Variants in SART3 observed in about 807,000 individuals in gnomAD.
SART3 encodes the protein HIV-1 Tat-interacting protein of 110kDa.
In SART3, 44 loss-of-function variants were observed where a neutral mutation model predicts 122.3. That is an observed-to-expected ratio of 0.36 (90% CI 0.28 to 0.46). SART3 has a LOEUF of 0.46. SART3 is among the 20% of genes least tolerant of loss of function. The pLI is 1.00. For missense variants in SART3, 1,101 were observed against 1,229.0 expected (o/e 0.90, Z 1.56); for synonymous variants, 442 against 454.0 (o/e 0.97, Z 0.34).
intron 12 of SART3, among the ~76,000 whole-genome samples, chr12:108,532,799 GT>G (rs543456746): frequency 6.6e-5 from 10 of 152,012 alleles, no homozygotes; most frequent in Admixed American, 6.5e-4. Context: ...TGTCACCCAG[GT>G]GGGAGTGCAA....
chr12:108,546,522 CTTT>C (rs59151146), intron 3 of SART3, among the ~76,000 whole-genome samples: 439 of 137,606 alleles, frequency 3.2e-3, no homozygotes, highest in Middle Eastern at 3.6e-3. Flanking sequence ...TTTTTTAATG[CTTT>C]TTTTTTTTTT....
intron 12 of SART3, 60 bp from the exon 13 acceptor site, chr12:108,532,394 G>T: frequency 7.0e-7 from 1 of 1,424,124 alleles, no homozygotes; most frequent in South Asian, 1.2e-5. Context: ...CACTCGAAGG[G>T]AGAGGCCGTC....
At chr12:108,542,741 A>G in intron 6 of SART3, 1 of 486,712 alleles carries the variant, frequency 2.1e-6, no homozygotes, top group East Asian at 5.1e-5. Context: ...CAAGGGAATT[A>G]TCATCACAAA....
intron 2 of SART3, 109 bp downstream of exon 2, chr12:108,548,979 C>A: frequency 6.5e-7 from 1 of 1,540,460 alleles, no homozygotes. Flanking sequence ...CTTTCCACTA[C>A]ACTGAACGTT....
chr12:108,533,863 T>C (rs1872786234), intron 12 of SART3, among the ~76,000 whole-genome samples: 2 of 152,250 alleles, frequency 1.3e-5, no homozygotes, highest in African/African-American at 2.4e-5. Flanking sequence ...TAACAGACTC[T>C]GTCAATATGG....
intron 6 of SART3, among the ~76,000 whole-genome samples, 158 bp from the exon 7 acceptor site, chr12:108,539,247 C>A (rs1389272096): frequency 6.6e-6 from 1 of 152,224 alleles, no homozygotes; most frequent in Non-Finnish European, 1.5e-5. Context: ...ACTTCTTGAG[C>A]AAAACAAGAG....
At chr12:108,528,032 TGGGATTACA>T (rs1008147839) in intron 15 of SART3, among the ~76,000 whole-genome samples, 7 of 152,136 alleles carry the variant, frequency 4.6e-5, no homozygotes, top group Non-Finnish European at 8.8e-5. Context: ...CCCAGAGTGC[TGGGATTACA>T]GGCATGAGCT....
chr12:108,532,752 A>G, intron 12 of SART3: 1 of 208,042 alleles, frequency 4.8e-6, no homozygotes, highest in Non-Finnish European at 1.0e-5. Flanking sequence ...ACCCAGAGTC[A>G]GATCTTTTTT....
At chr12:108,524,248 C>A in intron 18 of SART3, 68 bp downstream of exon 18, 1 of 1,287,882 alleles carries the variant, frequency 7.8e-7, no homozygotes, top group Non-Finnish European at 1.1e-6. Flanking sequence ...CGGGTTAATC[C>A]CCCCGTGATC....
Position 108,536,695 on chromosome 12 carries a change from G to A in SART3, c.1387+13C>T, listed in dbSNP as rs1024855364. 28 of 1,613,454 alleles carry A rather than the reference G, an allele frequency of 1.7e-5. No homozygotes were observed. The highest frequency in any genetic ancestry group is 2.3e-5 in the Non-Finnish European group (27 of 1,179,650). On this transcript the variant is annotated intron_variant, in intron 10 of 18. Coordinates refer to ENST00000546815, the MANE Select transcript of SART3 (RefSeq NM_014706.4). ...ATACAACTGGGCAAAACCACAGGCT[G>A]GGGCATACTTACGCTCTTCCACCTC...
At chr12:108,557,765 G>A (rs55824739) in intron 1 of SART3, among the ~76,000 whole-genome samples, 3,790 of 152,274 alleles carry the variant, frequency 0.025, 154 homozygotes, top group African/African-American at 0.086. Flanking sequence ...CAAATCTGCC[G>A]AAGCCACCAT....
chr12:108,558,086 T>C lies in SART3; in HGVS notation c.312+2757A>G, dbSNP rs894043495. Among the ~76,000 whole-genome samples, 5 of 152,140 alleles carry C rather than the reference T, an allele frequency of 3.3e-5. No homozygotes were observed. The South Asian group carries it at 1.0e-3, about 32-fold the overall frequency. On this transcript the variant is annotated intron_variant, in intron 1 of 18. Coordinates refer to ENST00000546815, the MANE Select transcript of SART3 (RefSeq NM_014706.4). ...TTGGAGGATGAGCTGGGAGGATCAC[T>C]TGAGCCTGGGAGGTCCTAGCTGCAG...
At chr12:108,548,832 GT>G (rs1873550208) in intron 2 of SART3, among the ~76,000 whole-genome samples, 1 of 152,176 alleles carries the variant, frequency 6.6e-6, no homozygotes. Flanking sequence ...TGAAAGCCAA[GT>G]TTAATTACAT....
chr12:108,548,880 A>G (rs955423209), intron 2 of SART3, among the ~76,000 whole-genome samples: 6 of 152,274 alleles, frequency 3.9e-5, no homozygotes, highest in Non-Finnish European at 7.3e-5. Flanking sequence ...TAAAGAAATC[A>G]GAATTCAAAA....
At chr12:108,525,348 A>G in intron 17 of SART3, 109 bp downstream of exon 17, 2 of 1,166,906 alleles carry the variant, frequency 1.7e-6, no homozygotes, top group Non-Finnish European at 2.5e-6. Context: ...TTTGTTTCTC[A>G]GCAGACAAAC....
At position 108,532,243 on chromosome 12, in the gene SART3, G is replaced by GT; in HGVS notation, c.1647dup (p.Leu550ThrfsTer21). The GT allele has an allele frequency of 2.5e-6, 4 of 1,614,122 alleles. No individual in the cohort carries two copies. Among genetic ancestry groups the GT allele is most frequent in the Non-Finnish European group, 2.5e-6 (3 of 1,179,996 alleles). ...CCACCTTCTGTCCTCTCCATGGTGA[G>GT]TAACACTTCGCAGACGTGCTCTGGG... On this transcript the variant is annotated frameshift_variant, in exon 13 of 19. Coordinates refer to ENST00000546815, the MANE Select transcript of SART3 (RefSeq NM_014706.4). LOFTEE classifies it high-confidence loss of function.
At chr12:108,525,680 A>G (rs1331539492) in intron 16 of SART3, 71 bp from the exon 17 acceptor site, 6 of 1,508,872 alleles carry the variant, frequency 4.0e-6, no homozygotes, top group Non-Finnish European at 5.5e-6. Flanking sequence ...CTCCTCTGAC[A>G]CCAGCCTTGT....
chr12:108,525,896 T>C (rs1872350417), intron 16 of SART3: 1 of 624,190 alleles, frequency 1.6e-6, no homozygotes, highest in Non-Finnish European at 2.8e-6. Context: ...CCCTTGTCAT[T>C]GCTAAGCACC....
chr12:108,560,819 C>T, intron 1 of SART3, 24 bp downstream of exon 1: 1 of 1,565,554 alleles, frequency 6.4e-7, no homozygotes, highest in Non-Finnish European at 8.7e-7. Flanking sequence ...CTGGAAGATG[C>T]CCGCTGCCCA....
Sources: allele counts gnomAD v4.1 joint callset (sites outside exome capture counted in the v4.1 genomes callset), GRCh38; gene constraint gnomAD v4.1.1; transcripts MANE v1.5; gene names NCBI Gene and HGNC (gene_info 2026-07-23, HGNC 2026-07-21).